Variants in COL28A1 observed in about 807,000 individuals in gnomAD.
COL28A1 encodes collagen type XXVIII alpha 1 chain.
Under a neutral mutation model 150.2 loss-of-function variants are expected in COL28A1, and 161 were observed. The ratio of observed to expected loss-of-function variants is 1.07; its 90% confidence interval spans 0.94 to 1.22. COL28A1 has a LOEUF of 1.22. Ranked by LOEUF, COL28A1 falls within the 50% of genes most tolerant of loss-of-function variation. COL28A1 has a pLI of 0.00. For missense variants in COL28A1, 1,617 were observed against 1,388.3 expected (o/e 1.16, Z -2.62); for synonymous variants, 552 against 469.7 (o/e 1.18, Z -2.26).
intron 18 of COL28A1, among the ~76,000 whole-genome samples, chr7:7,446,213 A>T (rs1786247612): frequency 6.6e-6 from 1 of 152,218 alleles, no homozygotes; most frequent in Non-Finnish European, 1.5e-5. Context: ...AGGAATGATG[A>T]GAAAAAACCT....
At chr7:7,465,097 G>A (rs1262006166) in intron 15 of COL28A1, among the ~76,000 whole-genome samples, 1 of 150,748 alleles carries the variant, frequency 6.6e-6, no homozygotes, top group Non-Finnish European at 1.5e-5. Context: ...ACAACCGGGG[G>A]AGGAGCCAAG....
chr7:7,495,763 G>T (rs1156518136), intron 11 of COL28A1, among the ~76,000 whole-genome samples: 2 of 152,268 alleles, frequency 1.3e-5, no homozygotes, highest in African/African-American at 4.8e-5. Flanking sequence ...GTACAACAAA[G>T]CCCTTAGTAC....
intron 25 of COL28A1, chr7:7,431,714 G>C: frequency 7.0e-6 from 3 of 431,066 alleles, no homozygotes; most frequent in Non-Finnish European, 1.5e-5. Flanking sequence ...GGTTTTAAAA[G>C]ACCACTCTTC....
At chr7:7,420,592 A>G (rs1234749865) in intron 25 of COL28A1, among the ~76,000 whole-genome samples, 2 of 152,244 alleles carry the variant, frequency 1.3e-5, no homozygotes, top group African/African-American at 4.8e-5. Flanking sequence ...ATGTTCATAT[A>G]TGTTATTTGA....
chr7:7,344,429 G>GCAT, the COL28A1 span, among the ~76,000 whole-genome samples: 1 of 151,882 alleles, frequency 6.6e-6, no homozygotes, highest in Non-Finnish European at 1.5e-5. Flanking sequence ...TTGGTCTAGT[G>GCAT]ATTATAATAT....
chr7:7,365,841 CCTT>C (rs988972538), intron 33 of COL28A1, among the ~76,000 whole-genome samples: 3 of 152,106 alleles, frequency 2.0e-5, no homozygotes, highest in Non-Finnish European at 2.9e-5. Flanking sequence ...TCTCAGGAGT[CCTT>C]CTTGATTGAT....
chr7:7,505,057 C>T (rs1780735607), intron 11 of COL28A1, among the ~76,000 whole-genome samples: 1 of 152,216 alleles, frequency 6.6e-6, no homozygotes, highest in Non-Finnish European at 1.5e-5. Flanking sequence ...CAGTTGAAGC[C>T]TAAGCACATG....
intron 11 of COL28A1, among the ~76,000 whole-genome samples, chr7:7,504,797 T>C (rs528009945): frequency 6.6e-6 from 1 of 152,240 alleles, no homozygotes; most frequent in Non-Finnish European, 1.5e-5. Context: ...AATTCCATCA[T>C]ACTGCAAACC....
At chr7:7,522,960 C>T (rs1191421616) in intron 4 of COL28A1, among the ~76,000 whole-genome samples, 2 of 151,948 alleles carry the variant, frequency 1.3e-5, no homozygotes, top group African/African-American at 2.4e-5. Context: ...GATTTAGAGT[C>T]TGATGTGAAG....
intron 34 of COL28A1, among the ~76,000 whole-genome samples, chr7:7,359,400 T>C (rs1405669440): frequency 6.6e-6 from 1 of 152,188 alleles, no homozygotes; most frequent in African/African-American, 2.4e-5. Flanking sequence ...AACGTCATAT[T>C]GTCTTATCGT....
intron 32 of COL28A1, 68 bp downstream of exon 32, chr7:7,372,930 A>G: frequency 7.2e-7 from 1 of 1,384,490 alleles, no homozygotes; most frequent in Non-Finnish European, 1.0e-6. Context: ...GGTCAGGACA[A>G]ACCAGTGATA....
upstream of COL28A1, among the ~76,000 whole-genome samples, chr7:7,540,763 T>C (rs1179423713): frequency 6.6e-6 from 1 of 152,226 alleles, no homozygotes; most frequent in Non-Finnish European, 1.5e-5. Context: ...TTAAAGAGTC[T>C]CACCTCTCAC....
chr7:7,479,274 G>A (rs148243121), intron 13 of COL28A1, among the ~76,000 whole-genome samples: 75 of 152,302 alleles, frequency 4.9e-4, no homozygotes, highest in Middle Eastern at 3.4e-3. Flanking sequence ...GTAGAGCTAC[G>A]AAGAATAATA....
At chr7:7,521,850 A>C in intron 5 of COL28A1, 55 bp downstream of exon 5, 30 of 846,436 alleles carry the variant, frequency 3.5e-5, no homozygotes, top group Middle Eastern at 2.2e-4. Context: ...AAGAGCGAGT[A>C]GAGCTATCAT....
In COL28A1 at chr7:7,358,628, C is replaced by T. The variant is rs376985468; in HGVS notation, c.*5G>A. The T allele has an allele frequency of 4.3e-6, 7 of 1,613,482 alleles. No homozygotes were observed. Among genetic ancestry groups the T allele is most frequent in the Non-Finnish European group, 5.9e-6 (7 of 1,179,700 alleles). On this transcript the variant is annotated 3_prime_UTR_variant, in exon 35 of 35. Transcript: ENST00000399429. ...CTTTTGATAGAGACAGGCCAATTTACTTGCTCATCCTTGAATGCAGGTTTC... is the reference window on the plus strand; with the variant it reads ...CTTTTGATAGAGACAGGCCAATTTATTTGCTCATCCTTGAATGCAGGTTTC...
intron 27 of COL28A1, among the ~76,000 whole-genome samples, chr7:7,407,158 T>A (rs1246913302): frequency 1.3e-5 from 2 of 151,568 alleles, no homozygotes; most frequent in African/African-American, 2.4e-5. Flanking sequence ...ATTGAAAAAA[T>A]ATATATAAAA....
At chr7:7,534,872 G>A (rs557029282) in intron 1 of COL28A1, among the ~76,000 whole-genome samples, 2 of 152,090 alleles carry the variant, frequency 1.3e-5, no homozygotes, top group African/African-American at 4.8e-5. Flanking sequence ...CCAAAGTCTT[G>A]TTATTTCTTT....
At chr7:7,403,910 TAG>T (rs982347214) in intron 27 of COL28A1, among the ~76,000 whole-genome samples, 1 of 152,166 alleles carries the variant, frequency 6.6e-6, no homozygotes, top group Non-Finnish European at 1.5e-5. Context: ...CACAAGCCAC[TAG>T]ATAAAAACCT....
At chr7:7,530,233 T>G (rs62450178) in intron 3 of COL28A1, among the ~76,000 whole-genome samples, 2 of 152,090 alleles carry the variant, frequency 1.3e-5, no homozygotes, top group Non-Finnish European at 2.9e-5. Context: ...GTGGCAAACA[T>G]TGAATAAAAT....
Sources: allele counts gnomAD v4.1 joint callset (sites outside exome capture counted in the v4.1 genomes callset), GRCh38; gene constraint gnomAD v4.1.1; transcripts MANE v1.5; gene names NCBI Gene and HGNC (gene_info 2026-07-23, HGNC 2026-07-21).